Variants in NAA38 observed in about 807,000 individuals in gnomAD.
NAA38 encodes LSM domain containing 1.
NAA38 carries 15 observed loss-of-function variants against 12.6 expected under a neutral mutation model. That is an observed-to-expected ratio of 1.19 (90% CI 0.79 to 1.83). NAA38 has a LOEUF of 1.83. Ranked by LOEUF, NAA38 falls within the 40% of genes most tolerant of loss-of-function variation. The pLI is 0.00. For synonymous variants in NAA38, 88 were observed against 69.9 expected, an observed-to-expected ratio of 1.26 and a Z score of -1.29; for missense variants, 183 against 171.7, an observed-to-expected ratio of 1.07 and a Z score of -0.37.
upstream of NAA38, chr17:7,885,223 C>G (rs1665078600): frequency 2.4e-6 from 2 of 824,874 alleles, no homozygotes; most frequent in Non-Finnish European, 2.9e-6. Context: ...CCCGTGGCCC[C>G]GCGGCGGTCC....
At chr17:7,882,475 A>G (rs542089506) in intron 2 of NAA38, among the ~76,000 whole-genome samples, 2 of 152,264 alleles carry the variant, frequency 1.3e-5, no homozygotes, top group African/African-American at 4.8e-5. Flanking sequence ...GGTCCAAGGG[A>G]TGAGAAGGAT....
At chr17:7,880,302 G>A (rs1967249770) in intron 2 of NAA38, among the ~76,000 whole-genome samples, 7 of 151,650 alleles carry the variant, frequency 4.6e-5, no homozygotes, top group Admixed American at 4.6e-4. Context: ...AGTAAGAGAG[G>A]GAAAGAGGGA....
At chr17:7,882,291 A>T (rs1355694715) in intron 2 of NAA38, among the ~76,000 whole-genome samples, 1 of 152,186 alleles carries the variant, frequency 6.6e-6, no homozygotes, top group Non-Finnish European at 1.5e-5. Context: ...GCCCACATAC[A>T]CGTGGAGACA....
upstream of NAA38, chr17:7,858,060 G>A: frequency 6.3e-6 from 10 of 1,576,622 alleles, no homozygotes; most frequent in African/African-American, 2.7e-5. Flanking sequence ...CGCGACGGAG[G>A]TCGTAGTAGT....
At chr17:7,877,564 C>T (rs1243689588) in intron 2 of NAA38, among the ~76,000 whole-genome samples, 1 of 152,070 alleles carries the variant, frequency 6.6e-6, no homozygotes, top group Non-Finnish European at 1.5e-5. Context: ...TTAGCTATTC[C>T]TTACTGTTGG....
chr17:7,878,689 G>C (rs186386297), intron 2 of NAA38, among the ~76,000 whole-genome samples: 4 of 152,284 alleles, frequency 2.6e-5, no homozygotes, highest in African/African-American at 7.2e-5. Context: ...TCGCGCCATT[G>C]CACTACAGTC....
upstream of NAA38, chr17:7,858,663 C>T (rs1318585336): frequency 1.2e-6 from 2 of 1,610,078 alleles, no homozygotes; most frequent in Non-Finnish European, 1.7e-6. Flanking sequence ...CCCGCGGGGC[C>T]GCTTTGTGCA....
At chr17:7,871,014 A>AC (rs1967076973) in intron 2 of NAA38, among the ~76,000 whole-genome samples, 1 of 152,244 alleles carries the variant, frequency 6.6e-6, no homozygotes, top group Admixed American at 6.5e-5. Context: ...GGTGTGAACC[A>AC]CCACACCCAA....
upstream of NAA38, chr17:7,858,866 AT>A (rs2078858989): frequency 2.7e-6 from 4 of 1,469,270 alleles, no homozygotes; most frequent in Admixed American, 4.8e-5. Flanking sequence ...GGAATGGGGA[AT>A]CCCAGCAAAT....
chr17:7,862,682 T>C (rs2078890980), upstream of NAA38: 1 of 150,270 alleles, frequency 6.7e-6, no homozygotes, highest in Non-Finnish European at 1.5e-5. Flanking sequence ...GAGGTTGCAT[T>C]GAGCTGAGAT....
chr17:7,867,304 TCACCCTTTTATAGTGTA>T (rs1337506050), intron 2 of NAA38, among the ~76,000 whole-genome samples: 1 of 144,068 alleles, frequency 6.9e-6, no homozygotes, highest in Non-Finnish European at 1.5e-5. Flanking sequence ...ACCATAATAT[TCACCCTTTTATAGTGTA>T]CAGAGTTAAG....
chr17:7,876,939 T>C (rs1452456179), intron 2 of NAA38: 1 of 199,654 alleles, frequency 5.0e-6, no homozygotes, highest in Admixed American at 6.2e-5. Context: ...TTCTGTACTT[T>C]CCCTTTTTCC....
At chr17:7,864,170 T>G (rs1565816) in intron 3 of NAA38, 45,211 of 152,056 alleles carry the variant, frequency 0.3, 7,892 homozygotes, top group East Asian at 0.82. Flanking sequence ...GGTTTGGCTG[T>G]AAGAATGCAC....
intron 2 of NAA38, among the ~76,000 whole-genome samples, chr17:7,870,910 A>G (rs955044815): frequency 4.6e-5 from 7 of 151,198 alleles, no homozygotes; most frequent in Non-Finnish European, 7.4e-5. Context: ...AAAAAATTGT[A>G]GAAACGGGGT....
rs1567810974 is a variant in NAA38 at position 7,857,011 on chromosome 17, T to A, written c.265+4A>T. The A allele has an allele frequency of 1.2e-6, 2 of 1,602,738 alleles. No homozygotes were observed. The stretch of plus-strand genomic sequence containing the variant: ...AGGCGGGTGTGCATTCCCCGGGCAC[T>A]GACCCGACGGCTTGAGGAACTCCTG... On this transcript the variant is annotated splice_donor_region_variant and intron_variant, in intron 2 of 2. Transcript: ENST00000575771.
upstream of NAA38, chr17:7,858,652 C>G: frequency 6.2e-7 from 1 of 1,608,614 alleles, no homozygotes; most frequent in Non-Finnish European, 8.5e-7. Flanking sequence ...AGGTACTGCA[C>G]CCCGCGGGGC....
intron 2 of NAA38, among the ~76,000 whole-genome samples, chr17:7,869,794 C>T (rs1024497074): frequency 1.6e-4 from 24 of 151,682 alleles, no homozygotes; most frequent in Non-Finnish European, 3.5e-4. Context: ...AAATATTTTC[C>T]TTTACAGACT....
At chr17:7,871,615 C>T (rs1597880606) in intron 2 of NAA38, among the ~76,000 whole-genome samples, 1 of 152,116 alleles carries the variant, frequency 6.6e-6, no homozygotes, top group Non-Finnish European at 1.5e-5. Context: ...GCTTCTTGAT[C>T]ACTGAAGAAA....
chr17:7,864,661 T>G (rs554696693), intron 3 of NAA38: 2 of 152,244 alleles, frequency 1.3e-5, no homozygotes, highest in Non-Finnish European at 2.9e-5. Flanking sequence ...CCCAGCACTT[T>G]GGGAGGCAGA....
Sources: allele counts gnomAD v4.1 joint callset (sites outside exome capture counted in the v4.1 genomes callset), GRCh38; gene constraint gnomAD v4.1.1; transcripts MANE v1.5; gene names NCBI Gene and HGNC (gene_info 2026-07-23, HGNC 2026-07-21).